PTPRD: variants seen among roughly 807,000 people sequenced by gnomAD.
The protein encoded by PTPRD is protein tyrosine phosphatase receptor type D.
Under a neutral mutation model 214.5 loss-of-function variants are expected in PTPRD, and 34 were observed. The observed-to-expected ratio is 0.16, with a 90% CI of 0.12 to 0.21. The LOEUF (loss-of-function observed/expected upper bound fraction) is 0.21. Ranked by LOEUF, PTPRD falls within the 10% of genes least tolerant of loss-of-function variation. The pLI is 1.00. For synonymous variants in PTPRD, 1,128 were observed against 845.7 expected (o/e 1.33, Z -5.79); for missense variants, 2,545 against 2,398.7 (o/e 1.06, Z -1.27).
chr9:9,004,293 G>A (rs1206580456), intron 11 of PTPRD, among the ~76,000 whole-genome samples: 1 of 151,784 alleles, frequency 6.6e-6, no homozygotes, highest in African/African-American at 2.4e-5. Context: ...TATCTCCAAG[G>A]TATATATAAA....
At chr9:9,456,555 A>G (rs2093031380) in intron 8 of PTPRD, among the ~76,000 whole-genome samples, 1 of 151,846 alleles carries the variant, frequency 6.6e-6, no homozygotes, top group South Asian at 2.1e-4. Context: ...TTAAAAATGT[A>G]TTACTTATAT....
chr9:8,321,485 G>GTA (rs1486135985), intron 44 of PTPRD, among the ~76,000 whole-genome samples: 106 of 45,338 alleles, frequency 2.3e-3, no homozygotes, highest in Middle Eastern at 0.026. Context: ...GTGTGTGTGT[G>GTA]TGTATATATA....
chr9:10,240,611 G>A (rs150177650), intron 3 of PTPRD, among the ~76,000 whole-genome samples: 3 of 151,884 alleles, frequency 2.0e-5, no homozygotes, highest in African/African-American at 7.2e-5. Flanking sequence ...TTTAAGAAGT[G>A]TATAAAAATA....
At chr9:9,716,472 A>C (rs7027872) in intron 7 of PTPRD, among the ~76,000 whole-genome samples, 1 of 151,246 alleles carries the variant, frequency 6.6e-6, no homozygotes, top group South Asian at 2.1e-4. Context: ...TCCCACCAAC[A>C]GTGTAAAAGT....
At chr9:9,953,595 A>G (rs2093645202) in intron 4 of PTPRD, among the ~76,000 whole-genome samples, 1 of 152,150 alleles carries the variant, frequency 6.6e-6, no homozygotes, top group Non-Finnish European at 1.5e-5. Context: ...CCATAACATT[A>G]AACAACACGT....
intron 11 of PTPRD, chr9:8,861,556 A>G (rs533872723): frequency 6.6e-6 from 1 of 152,300 alleles, no homozygotes; most frequent in East Asian, 1.9e-4. Context: ...GCCCCATTAT[A>G]TAAGTGAGGA....
At chr9:8,898,271 T>C (rs2098636701) in intron 11 of PTPRD, among the ~76,000 whole-genome samples, 1 of 150,616 alleles carries the variant, frequency 6.6e-6, no homozygotes, top group South Asian at 2.1e-4. Context: ...TTTTTTTTTC[T>C]TTTAAAATAA....
At position 8,713,673 on chromosome 9, in the gene PTPRD, C is replaced by T. The variant is rs1050668620; in HGVS notation, c.64+20107G>A. 5 of 1,508,666 alleles carry T rather than the reference C, an allele frequency of 3.3e-6. No individual in the cohort carries two copies. In the African/African-American group the frequency reaches 6.9e-5, roughly 21 times the overall value. The allele number at this position is 1,508,666 out of a possible 1,614,324, so 93.5% of individuals were successfully genotyped here. The stretch of plus-strand genomic sequence containing the variant: ...TGGGCGCCCGGCACCGCGCCCGGGC[C>T]CACTCCATTCAGATCATGATGGTGG... On this transcript the variant is annotated intron_variant, in intron 12 of 45. Transcript: ENST00000381196.
At chr9:8,978,434 G>A (rs1363245748) in intron 11 of PTPRD, among the ~76,000 whole-genome samples, 1 of 152,048 alleles carries the variant, frequency 6.6e-6, no homozygotes, top group African/African-American at 2.4e-5. Flanking sequence ...AAATATCCAC[G>A]GAATGAACTA....
chr9:9,992,621 TA>T (rs2095981761), intron 4 of PTPRD, among the ~76,000 whole-genome samples: 1 of 152,012 alleles, frequency 6.6e-6, no homozygotes, highest in African/African-American at 2.4e-5. Context: ...TGCGCAGACA[TA>T]AAAAAGGATG....
chr9:10,476,325 T>C (rs2099062331), intron 2 of PTPRD, among the ~76,000 whole-genome samples: 1 of 152,056 alleles, frequency 6.6e-6, no homozygotes, highest in East Asian at 1.9e-4. Context: ...TCACAAGCAT[T>C]CCTATACACC....
intron 2 of PTPRD, among the ~76,000 whole-genome samples, chr9:10,455,478 T>C (rs76284975): frequency 0.046 from 6,975 of 151,732 alleles, 237 homozygotes; most frequent in South Asian, 0.13. Flanking sequence ...TCCAATGACT[T>C]TTTTTACATC....
intron 21 of PTPRD, among the ~76,000 whole-genome samples, chr9:8,508,000 A>G (rs2097576584): frequency 6.6e-6 from 1 of 152,188 alleles, no homozygotes; most frequent in South Asian, 2.1e-4. Context: ...AAGGAAAAAC[A>G]AAACAAAACA....
At position 10,479,652 on chromosome 9, in the gene PTPRD, A is replaced by AATACATACATAAATAC. The variant is rs1555402851; in HGVS notation, c.-600+132745_-600+132746insGTATTTATGTATGTAT. 6.1e-4 allele frequency among the ~76,000 whole-genome samples: 76 copies of AATACATACATAAATAC among 124,198 alleles called. No homozygotes were observed. The East Asian group carries it at 0.01, about 17-fold the overall frequency. 81.5% of individuals were successfully genotyped at this position (124,198 alleles called of 152,430 possible). ...ACATAAATAAATAAATAAATAAATA[A>AATACATACATAAATAC]ATAAATAAACAAAAATACAAAAATT... On this transcript the variant is annotated intron_variant, in intron 2 of 45. Coordinates refer to ENST00000381196, the MANE Select transcript of PTPRD (RefSeq NM_002839.4).
chr9:9,802,284 C>G (rs543836424), intron 5 of PTPRD, among the ~76,000 whole-genome samples: 3 of 151,938 alleles, frequency 2.0e-5, no homozygotes, highest in East Asian at 3.9e-4. Context: ...TGTTGTTTCC[C>G]TCGTTTTTCA....
intron 5 of PTPRD, among the ~76,000 whole-genome samples, chr9:9,790,180 G>C (rs1352404690): frequency 1.3e-5 from 2 of 152,054 alleles, no homozygotes; most frequent in Non-Finnish European, 2.9e-5. Flanking sequence ...CAAGTCTCGA[G>C]TTTCATAGCC....
chr9:10,289,020 A>C (rs1438122637), intron 3 of PTPRD, among the ~76,000 whole-genome samples: 1 of 120,512 alleles, frequency 8.3e-6, no homozygotes, highest in Non-Finnish European at 1.7e-5. Flanking sequence ...ATTAAGATGG[A>C]GAGTTTTTTT....
intron 6 of PTPRD, among the ~76,000 whole-genome samples, chr9:9,748,360 A>G (rs1010652264): frequency 6.6e-6 from 1 of 152,228 alleles, no homozygotes; most frequent in Non-Finnish European, 1.5e-5. Flanking sequence ...AATGATCCAT[A>G]GAAGTGTTTA....
chr9:10,017,621 T>C (rs937211190), intron 4 of PTPRD, among the ~76,000 whole-genome samples: 2 of 152,128 alleles, frequency 1.3e-5, no homozygotes, highest in South Asian at 4.1e-4. Context: ...GGAGGCCAAT[T>C]TTAATTTTTC....
Sources: gnomAD v4.1 joint callset for allele counts (sites outside exome capture counted in the v4.1 genomes callset) on GRCh38, gnomAD v4.1.1 for gene constraint, MANE v1.5 for transcripts, NCBI Gene and HGNC (gene_info 2026-07-23, HGNC 2026-07-21) for gene names.